Variants in PRDM5 observed in about 807,000 individuals in gnomAD.
PRDM5 encodes PR domain zinc finger protein 5.
PRDM5 carries 56 observed loss-of-function variants against 81.2 expected under a neutral mutation model. That is an observed-to-expected ratio of 0.69 (90% CI 0.56 to 0.86). The LOEUF (loss-of-function observed/expected upper bound fraction) is 0.86, where lower values mean the gene tolerates loss of function less well. Among genes scored for constraint, PRDM5 ranks in the 40% least tolerant of loss-of-function variants. The probability of loss-of-function intolerance (pLI) is 0.00; values close to 1 mark genes in which losing one functional copy is unlikely to be tolerated. For missense variants in PRDM5, 697 were observed against 770.1 expected, an observed-to-expected ratio of 0.91 and a Z score of 1.12; for synonymous variants, 267 against 256.4, an observed-to-expected ratio of 1.04 and a Z score of -0.39.
chr4:120,875,627 G>C (rs879495974), intron 2 of PRDM5, among the ~76,000 whole-genome samples: 9 of 152,204 alleles, frequency 5.9e-5, no homozygotes, highest in Non-Finnish European at 1.2e-4. Context: ...CTAGATTTCT[G>C]AGGAAACTAT....
chr4:120,852,660 C>T (rs558783000), intron 3 of PRDM5, among the ~76,000 whole-genome samples: 18 of 151,626 alleles, frequency 1.2e-4, no homozygotes, highest in African/African-American at 2.2e-4. Flanking sequence ...TTTATATATA[C>T]GTATATATAC....
intron 1 of PRDM5, among the ~76,000 whole-genome samples, chr4:120,919,926 G>C (rs1158220485): frequency 6.6e-6 from 1 of 151,946 alleles, no homozygotes; most frequent in Admixed American, 6.5e-5. Flanking sequence ...TCGTTTTCTT[G>C]AGTTGTCACT....
At chr4:120,785,429 C>T (rs1749643757) in intron 10 of PRDM5, among the ~76,000 whole-genome samples, 2 of 152,054 alleles carry the variant, frequency 1.3e-5, no homozygotes, top group South Asian at 2.1e-4. Flanking sequence ...AAAACTAAGC[C>T]TCCCCTATCA....
intron 13 of PRDM5, among the ~76,000 whole-genome samples, chr4:120,765,656 C>T (rs140482942): frequency 6.6e-6 from 1 of 152,208 alleles, no homozygotes; most frequent in South Asian, 2.1e-4. Context: ...TGTACATGCA[C>T]ATTCACTCAC....
At chr4:120,839,674 G>A (rs906312129) in intron 3 of PRDM5, among the ~76,000 whole-genome samples, 8 of 152,166 alleles carry the variant, frequency 5.3e-5, no homozygotes, top group Non-Finnish European at 1.0e-4. Flanking sequence ...CCAGCCTTCA[G>A]GCAATCCCTA....
chr4:120,721,960 A>G (rs894207330), intron 14 of PRDM5, among the ~76,000 whole-genome samples: 6 of 152,162 alleles, frequency 3.9e-5, no homozygotes, highest in Non-Finnish European at 5.9e-5. Flanking sequence ...AGAAAGAGAG[A>G]GACAGAGTTG....
intron 14 of PRDM5, among the ~76,000 whole-genome samples, chr4:120,730,466 T>G (rs1339399938): frequency 6.6e-6 from 1 of 152,212 alleles, no homozygotes; most frequent in East Asian, 1.9e-4. Flanking sequence ...AATCCATTAA[T>G]GGGATCTTCA....
chr4:120,805,583 A>G (rs1239569225), intron 8 of PRDM5, among the ~76,000 whole-genome samples: 3 of 152,254 alleles, frequency 2.0e-5, no homozygotes, highest in Non-Finnish European at 4.4e-5. Context: ...GTATATAAAC[A>G]GAATCAAAGA....
Position 120,729,386 on chromosome 4 carries a change from AT to A in PRDM5, c.1624-18974del, listed in dbSNP as rs566162033. 3.3e-5 allele frequency among the ~76,000 whole-genome samples: 5 copies of A among 152,180 alleles called. No individual in the cohort carries two copies. The East Asian group carries it at 9.6e-4, about 29-fold the overall frequency. ...ATACCTAGAAATACTGAAATCAAGC[AT>A]TTTTTTAAACCCCACAACATCCATG... On this transcript the variant is annotated intron_variant, in intron 14 of 15. Coordinates refer to ENST00000264808, the MANE Select transcript of PRDM5 (RefSeq NM_018699.4).
intron 2 of PRDM5, among the ~76,000 whole-genome samples, chr4:120,905,146 C>T (rs1765654631): frequency 6.6e-6 from 1 of 152,136 alleles, no homozygotes; most frequent in Non-Finnish European, 1.5e-5. Flanking sequence ...ATATCAATAA[C>T]ATTTCCCACT....
chr4:120,700,912 G>A (rs1040006815), intron 15 of PRDM5, among the ~76,000 whole-genome samples: 13 of 152,250 alleles, frequency 8.5e-5, no homozygotes, highest in South Asian at 2.1e-4. Flanking sequence ...ATCACCTGAC[G>A]TTAGGAGATC....
intron 3 of PRDM5, chr4:120,838,089 T>G (rs1468814645): frequency 6.6e-6 from 1 of 152,216 alleles, no homozygotes; most frequent in Non-Finnish European, 1.5e-5. Context: ...TTCTTATATC[T>G]ACTTTCTAGA....
At chr4:120,742,904 G>A (rs1042859498) in intron 14 of PRDM5, among the ~76,000 whole-genome samples, 2 of 152,028 alleles carry the variant, frequency 1.3e-5, no homozygotes, top group East Asian at 1.9e-4. Context: ...GCAGGCCAAC[G>A]TTCAGGTTCA....
At chr4:120,794,554 CACACAT>C (rs760252966) in intron 10 of PRDM5, among the ~76,000 whole-genome samples, 1,298 of 106,074 alleles carry the variant, frequency 0.012, 8 homozygotes, top group Non-Finnish European at 0.018. Context: ...CACACACACA[CACACAT>C]ACAAATACAC....
Position 120,808,806 on chromosome 4 carries a change from C to T in PRDM5, c.945+2564G>A, listed in dbSNP as rs564381870. Among the ~76,000 whole-genome samples the T allele has an allele frequency of 2.6e-5, 4 of 152,330 alleles. No homozygotes were observed. The South Asian group carries it at 6.2e-4, about 24-fold the overall frequency. ...GAAATTGAGCACAGCAGCTGCTGGC[C>T]CAGGTGCTAAGTCCCTCACTGCCCA... is the stretch of plus-strand genomic sequence containing the variant. On this transcript the variant is annotated intron_variant, in intron 8 of 15. Transcript: ENST00000264808.
At position 120,897,290 on chromosome 4, in the gene PRDM5, A is replaced by C. The variant is rs537678556; in HGVS notation, c.177+10184T>G. Among the ~76,000 whole-genome samples, 418 of 152,078 alleles carry C rather than the reference A, an allele frequency of 2.7e-3. 2 individuals are homozygous for C. The highest frequency in any genetic ancestry group is 3.7e-3 in the South Asian group (18 of 4,818). On this transcript the variant is annotated intron_variant, in intron 2 of 15. Transcript: ENST00000264808. ...GCAGCTATTTTCTTTTTGCATCTTA[A>C]AAATATTATTCAGTTGTCTACTATC...
rs758541840 is a variant in PRDM5, at chr4:120,781,310, A to C, written c.1283-7T>G. On this transcript the variant is annotated splice_region_variant and splice_polypyrimidine_tract_variant and intron_variant, in intron 11 of 15. Transcript: ENST00000264808. ...CACTTGAAAGTCCTCTCACCTTAGA[A>C]ACAAAGAGAAACATTTAAGAAGCAA... 3 of 1,610,936 alleles carry C rather than the reference A, an allele frequency of 1.9e-6. No individual in the cohort carries two copies. The South Asian group carries it at 3.3e-5, about 18-fold the overall frequency.
downstream of PRDM5, among the ~76,000 whole-genome samples, chr4:120,684,529 C>T (rs960850028): frequency 1.1e-4 from 16 of 151,978 alleles, no homozygotes; most frequent in African/African-American, 3.9e-4. Context: ...GGCCAAAAGA[C>T]ACTCAGATCT....
At chr4:120,718,416 TTACTC>T (rs1415658879) in intron 14 of PRDM5, among the ~76,000 whole-genome samples, 1 of 152,222 alleles carries the variant, frequency 6.6e-6, no homozygotes, top group Non-Finnish European at 1.5e-5. Context: ...CCATTAATGT[TTACTC>T]TATTAAAACT....
Sources: gnomAD v4.1 joint callset for allele counts (sites outside exome capture counted in the v4.1 genomes callset) on GRCh38, gnomAD v4.1.1 for gene constraint, MANE v1.5 for transcripts, NCBI Gene and HGNC (gene_info 2026-07-23, HGNC 2026-07-21) for gene names.